Variants in ZMYND8 observed in about 807,000 individuals in gnomAD.
The protein encoded by ZMYND8 is MYND-type zinc finger-containing chromatin reader ZMYND8.
Under a neutral mutation model 140.8 loss-of-function variants are expected in ZMYND8, and 37 were observed. That is an observed-to-expected ratio of 0.26 (90% CI 0.20 to 0.35). ZMYND8 has a LOEUF of 0.35. Ranked by LOEUF, ZMYND8 falls within the 10% of genes least tolerant of loss-of-function variation. ZMYND8 has a pLI of 1.00. For missense variants in ZMYND8, 1,068 were observed against 1,570.0 expected, an observed-to-expected ratio of 0.68 and a Z score of 5.40; for synonymous variants, 592 against 597.1, an observed-to-expected ratio of 0.99 and a Z score of 0.12.
At position 47,285,182 on chromosome 20, in the gene ZMYND8, G is replaced by A. The variant is rs955683802; in HGVS notation, c.805-1534C>T. 6.6e-5 allele frequency among the ~76,000 whole-genome samples: 10 copies of A among 152,070 alleles called. No individual in the cohort carries two copies. The East Asian group carries it at 1.7e-3, about 26-fold the overall frequency. ...GGTCAGGATTTGAACCCAGGTAGTC[G>A]GGCTCCAAAGCCCATGCAGGTCACC... On this transcript the variant is annotated intron_variant, in intron 8 of 22. Transcript: ENST00000471951.
intron 2 of ZMYND8, among the ~76,000 whole-genome samples, chr20:47,315,221 C>G (rs1180161675): frequency 2.0e-5 from 3 of 152,130 alleles, no homozygotes; most frequent in Non-Finnish European, 4.4e-5. Flanking sequence ...TTCTGCTCAG[C>G]AAGAGGTAGG....
chr20:47,224,561 T>C lies in ZMYND8; in HGVS notation c.3017-5A>G. ...GCATCTCCGCCATGGTCAGCTCTGG[T>C]GGAGGAGGGGAAGAACACCGCTCAT... On this transcript the variant is annotated splice_polypyrimidine_tract_variant and splice_region_variant and intron_variant, in intron 18 of 22. Coordinates refer to ENST00000471951, the MANE Select transcript of ZMYND8 (RefSeq NM_001281775.3). 2 of 1,612,544 alleles carry C rather than the reference T, an allele frequency of 1.2e-6. No homozygotes were observed. The highest frequency in any genetic ancestry group is 3.3e-5 in the Admixed American group (2 of 60,012).
In ZMYND8 at chr20:47,312,958, T is replaced by A. The variant is rs533347404; in HGVS notation, c.86-2754A>T. Among the ~76,000 whole-genome samples, 4 of 152,248 alleles carry A rather than the reference T, an allele frequency of 2.6e-5. No homozygotes were observed. The East Asian group carries it at 7.7e-4, about 29-fold the overall frequency. On this transcript the variant is annotated intron_variant, in intron 2 of 22. Coordinates refer to ENST00000471951, the MANE Select transcript of ZMYND8 (RefSeq NM_001281775.3). ...AACAATCTCCTCTAGAAACACATTC[T>A]ACAAACATAGTGGAAAAGGAGCAAA...
At chr20:47,266,900 T>C (rs1157290671) in intron 11 of ZMYND8, among the ~76,000 whole-genome samples, 2 of 152,170 alleles carry the variant, frequency 1.3e-5, no homozygotes, top group African/African-American at 4.8e-5. Context: ...AAGTTCACTC[T>C]TAGGTAAGTA....
intron 8 of ZMYND8, chr20:47,285,724 G>T: frequency 1.0e-6 from 1 of 985,080 alleles, no homozygotes; most frequent in Middle Eastern, 5.2e-4. Flanking sequence ...GATAAAACTG[G>T]GTACTATTTA....
chr20:47,336,741 G>A (rs2081415193), intron 2 of ZMYND8, among the ~76,000 whole-genome samples: 1 of 152,136 alleles, frequency 6.6e-6, no homozygotes, highest in African/African-American at 2.4e-5. Context: ...AGAGAAGCCA[G>A]TCTACACAGA....
chr20:47,327,757 G>A (rs1475851680), intron 2 of ZMYND8, among the ~76,000 whole-genome samples: 2 of 152,196 alleles, frequency 1.3e-5, no homozygotes, highest in Non-Finnish European at 2.9e-5. Flanking sequence ...CAGAATCCCT[G>A]TTTGCCGAGG....
intron 2 of ZMYND8, among the ~76,000 whole-genome samples, chr20:47,311,573 T>G (rs558670272): frequency 6.6e-6 from 1 of 152,280 alleles, no homozygotes; most frequent in African/African-American, 2.4e-5. Context: ...TTTTCCACTG[T>G]ATTTGTAGAA....
Position 47,283,556 on chromosome 20 carries a change from G to T in ZMYND8, c.882+15C>A, listed in dbSNP as rs983500935. 2 of 1,613,894 alleles carry T rather than the reference G, an allele frequency of 1.2e-6. No homozygotes were observed. Among genetic ancestry groups the T allele is most frequent in the Non-Finnish European group, 1.7e-6 (2 of 1,179,836 alleles). ...GGGTTCAGTAAATGAAATAAGCAAA[G>T]TAAATCCAACTTACACAAGGCTCAC... is the stretch of plus-strand genomic sequence containing the variant. On this transcript the variant is annotated intron_variant, in intron 9 of 22. Coordinates refer to ENST00000471951, the MANE Select transcript of ZMYND8 (RefSeq NM_001281775.3).
At chr20:47,221,234 A>G in intron 20 of ZMYND8, 80 bp downstream of exon 20, 1 of 1,550,800 alleles carries the variant, frequency 6.4e-7, no homozygotes. Context: ...CGGAACTTTC[A>G]GGGCGGCAGA....
At chr20:47,316,559 G>C (rs7266074) in intron 2 of ZMYND8, among the ~76,000 whole-genome samples, 1 of 151,802 alleles carries the variant, frequency 6.6e-6, no homozygotes, top group Non-Finnish European at 1.5e-5. Flanking sequence ...TTGGGAGGCC[G>C]AGGCAGGCAG....
At chr20:47,255,580 GTGTGTGTGTGTGTGTATATATATATA>G (rs1569006401) in intron 12 of ZMYND8, among the ~76,000 whole-genome samples, 4 of 58,246 alleles carry the variant, frequency 6.9e-5, no homozygotes, top group African/African-American at 2.7e-4. Context: ...GTGTGTGTGT[GTGTGTGTGTGTGTGTATATATATATA>G]TATACACACC....
At chr20:47,259,191 A>C (rs899091503) in intron 12 of ZMYND8, among the ~76,000 whole-genome samples, 5 of 152,216 alleles carry the variant, frequency 3.3e-5, no homozygotes, top group Non-Finnish European at 5.9e-5. Flanking sequence ...GCCTCCAAAC[A>C]GCATTTCTTT....
chr20:47,301,326 T>C (rs1211708159), intron 3 of ZMYND8, among the ~76,000 whole-genome samples: 7 of 151,944 alleles, frequency 4.6e-5, no homozygotes, highest in African/African-American at 1.4e-4. Flanking sequence ...AGGTAATTTT[T>C]TGTATTTTTA....
chr20:47,332,528 A>G (rs2081044087), intron 2 of ZMYND8, among the ~76,000 whole-genome samples: 1 of 152,030 alleles, frequency 6.6e-6, no homozygotes. Context: ...TGGGCAACAT[A>G]GCAAGACTCT....
intron 2 of ZMYND8, 72 bp downstream of exon 2, chr20:47,347,784 C>T: frequency 1.3e-6 from 2 of 1,482,218 alleles, no homozygotes; most frequent in Non-Finnish European, 1.9e-6. Context: ...CACTTCACTG[C>T]ACTACAACAA....
At chr20:47,299,631 A>G (rs1474083756) in intron 3 of ZMYND8, among the ~76,000 whole-genome samples, 6 of 151,500 alleles carry the variant, frequency 4.0e-5, no homozygotes, top group Non-Finnish European at 7.4e-5. Context: ...TGCCCAGGCT[A>G]GAGTGCAGTG....
chr20:47,279,138 A>ATTGCTTGG (rs757799948), intron 10 of ZMYND8, among the ~76,000 whole-genome samples: 5 of 152,066 alleles, frequency 3.3e-5, no homozygotes, highest in Non-Finnish European at 7.4e-5. Context: ...TTTCCATGAA[A>ATTGCTTGG]TTGCTTGGCA....
chr20:47,294,637 G>T, intron 5 of ZMYND8, 29 bp downstream of exon 5: 1 of 1,588,350 alleles, frequency 6.3e-7, no homozygotes, highest in South Asian at 1.1e-5. Flanking sequence ...GTTCATTTAC[G>T]CGTATACCAA....
Sources: allele counts gnomAD v4.1 joint callset (sites outside exome capture counted in the v4.1 genomes callset), GRCh38; gene constraint gnomAD v4.1.1; transcripts MANE v1.5; gene names NCBI Gene and HGNC (gene_info 2026-07-23, HGNC 2026-07-21).